Variants in IFNG-AS1 observed in about 807,000 individuals in gnomAD.
IFNG-AS1 encodes IFNG antisense RNA 1 (non-protein coding).
chr12:67,999,120 A>T (rs1035214763), intron 2 of IFNG-AS1, among the ~76,000 whole-genome samples: 7 of 152,160 alleles, frequency 4.6e-5, no homozygotes, highest in Admixed American at 3.3e-4. Context: ...AATAGATAAT[A>T]GATAAGATAG....
At chr12:68,005,737 C>T (rs1879891689) in intron 2 of IFNG-AS1, among the ~76,000 whole-genome samples, 1 of 151,568 alleles carries the variant, frequency 6.6e-6, no homozygotes, top group Admixed American at 6.6e-5. Context: ...AAGCAATATG[C>T]TAAATAAATA....
intron 1 of IFNG-AS1, among the ~76,000 whole-genome samples, chr12:67,992,272 T>C (rs768928634): frequency 1.2e-4 from 19 of 152,274 alleles, no homozygotes; most frequent in Non-Finnish European, 2.6e-4. Context: ...GGTTTATCCA[T>C]GTTGATACAC....
At chr12:67,998,383 A>C (rs150694660) in intron 2 of IFNG-AS1, among the ~76,000 whole-genome samples, 52 of 151,962 alleles carry the variant, frequency 3.4e-4, no homozygotes, top group Non-Finnish European at 4.0e-4. Flanking sequence ...AAAAAGAAAA[A>C]AGACAAAGTG....
intron 2 of IFNG-AS1, among the ~76,000 whole-genome samples, chr12:67,997,488 A>G (rs1879669438): frequency 6.6e-6 from 1 of 152,014 alleles, no homozygotes; most frequent in Non-Finnish European, 1.5e-5. Context: ...ATACAAGCAT[A>G]AAGACCCAAT....
chr12:67,995,722 CAA>C (rs34179056), intron 1 of IFNG-AS1, among the ~76,000 whole-genome samples: 43 of 77,238 alleles, frequency 5.6e-4, no homozygotes, highest in Non-Finnish European at 7.1e-4. Context: ...ACTCGGTCTC[CAA>C]AAAAAAAAAA....
intron 3 of IFNG-AS1, among the ~76,000 whole-genome samples, chr12:68,008,007 T>C (rs1179567093): frequency 2.6e-5 from 4 of 152,198 alleles, no homozygotes; most frequent in African/African-American, 9.6e-5. Flanking sequence ...TGGAAAACCA[T>C]TGTCTTAAGA....
At chr12:68,012,166 G>GT (rs1251344718) in intron 3 of IFNG-AS1, among the ~76,000 whole-genome samples, 4 of 152,046 alleles carry the variant, frequency 2.6e-5, no homozygotes, top group African/African-American at 9.7e-5. Context: ...AGGTTGTTTT[G>GT]TTTTTTCTTT....
exon 1 of IFNG-AS1, chr12:67,989,543 C>T (rs1275769772): frequency 2.0e-5 from 3 of 152,068 alleles, no homozygotes; most frequent in Admixed American, 2.0e-4. Flanking sequence ...AGGAATAAGC[C>T]TGGAAGAAAA....
chr12:67,991,053 C>A (rs1209818423), intron 1 of IFNG-AS1, among the ~76,000 whole-genome samples: 1 of 152,136 alleles, frequency 6.6e-6, no homozygotes, highest in African/African-American at 2.4e-5. Context: ...CCAGAAAGAA[C>A]CTGACATCCT....
chr12:68,001,994 T>C (rs1316483572), intron 2 of IFNG-AS1, among the ~76,000 whole-genome samples: 1 of 152,234 alleles, frequency 6.6e-6, no homozygotes, highest in Admixed American at 6.5e-5. Context: ...TGTAATTTAT[T>C]TACATGTGTT....
At chr12:68,012,739 A>C (rs73324884) in intron 3 of IFNG-AS1, among the ~76,000 whole-genome samples, 5,068 of 152,250 alleles carry the variant, frequency 0.033, 190 homozygotes, top group African/African-American at 0.082. Flanking sequence ...TCATCACCTC[A>C]CAGGCATACC....
intron 2 of IFNG-AS1, among the ~76,000 whole-genome samples, chr12:68,002,687 A>G (rs1425652685): frequency 6.6e-6 from 1 of 152,176 alleles, no homozygotes; most frequent in Non-Finnish European, 1.5e-5. Flanking sequence ...CATTACAAGG[A>G]TATCATTTCC....
chr12:68,005,087 G>A (rs1363888069), intron 2 of IFNG-AS1, among the ~76,000 whole-genome samples: 1 of 152,124 alleles, frequency 6.6e-6, no homozygotes, highest in Non-Finnish European at 1.5e-5. Flanking sequence ...CACCCACAAA[G>A]CAAGATGTAT....
At chr12:67,995,389 C>G (rs1306020901) in intron 1 of IFNG-AS1, among the ~76,000 whole-genome samples, 2 of 144,750 alleles carry the variant, frequency 1.4e-5, no homozygotes, top group Non-Finnish European at 3.0e-5. Context: ...CCACTGCACT[C>G]CAGCCTGGTG....
At chr12:67,999,514 C>T (rs924326537) in intron 2 of IFNG-AS1, among the ~76,000 whole-genome samples, 3 of 152,090 alleles carry the variant, frequency 2.0e-5, no homozygotes, top group Admixed American at 2.0e-4. Context: ...CAGAAGCCAA[C>T]TTGAAGGGGC....
chr12:67,989,576 G>A (rs1879455290), exon 1 of IFNG-AS1: 1 of 152,196 alleles, frequency 6.6e-6, no homozygotes, highest in Non-Finnish European at 1.5e-5. Context: ...CTAGCACAAC[G>A]AGGGTGAGAA....
chr12:67,991,111 A>G (rs1162571336), intron 1 of IFNG-AS1, among the ~76,000 whole-genome samples: 1 of 152,198 alleles, frequency 6.6e-6, no homozygotes. Flanking sequence ...ATAATGGCAA[A>G]GGAGGGATGG....
intron 3 of IFNG-AS1, among the ~76,000 whole-genome samples, chr12:68,008,321 C>G (rs1879951958): frequency 6.6e-6 from 1 of 151,746 alleles, no homozygotes; most frequent in African/African-American, 2.4e-5. Flanking sequence ...GAGGCTGAGG[C>G]AGGAGAATGG....
upstream of IFNG-AS1, chr12:67,989,498 AG>A (rs1879452711): frequency 6.6e-6 from 1 of 152,246 alleles, no homozygotes; most frequent in Non-Finnish European, 1.5e-5. Flanking sequence ...GTATACCTTC[AG>A]AGAAATGCCA....
Sources: gnomAD v4.1 joint callset for allele counts (sites outside exome capture counted in the v4.1 genomes callset) on GRCh38, gnomAD v4.1.1 for gene constraint, MANE v1.5 for transcripts, NCBI Gene and HGNC (gene_info 2026-07-23, HGNC 2026-07-21) for gene names.